The following DIS3L2 variants were observed in gnomAD, a reference collection of about 807,000 sequenced individuals.
The protein encoded by DIS3L2 is DIS3-like exonuclease 2.
DIS3L2 carries 34 observed loss-of-function variants against 97.5 expected under a neutral mutation model. The observed-to-expected ratio is 0.35, with a 90% CI of 0.27 to 0.46. The LOEUF (loss-of-function observed/expected upper bound fraction) is 0.46, where lower values mean the gene tolerates loss of function less well. Among genes scored for constraint, DIS3L2 ranks in the 20% least tolerant of loss-of-function variants. The probability of loss-of-function intolerance (pLI) is 1.00; values close to 1 mark genes in which losing one functional copy is unlikely to be tolerated. For synonymous variants in DIS3L2, 435 were observed against 445.2 expected (o/e 0.98, Z 0.29); for missense variants, 1,038 against 1,146.0 (o/e 0.91, Z 1.36).
At chr2:232,131,848 T>A (rs1018475422) in intron 7 of DIS3L2, 1 of 149,520 alleles carries the variant, frequency 6.7e-6, no homozygotes, top group Non-Finnish European at 1.5e-5. Context: ...TGTGGGAGAT[T>A]AGAATGAATG....
intron 1 of DIS3L2, among the ~76,000 whole-genome samples, chr2:231,983,436 C>G (rs1487456530): frequency 2.6e-5 from 4 of 152,252 alleles, no homozygotes; most frequent in Middle Eastern, 6.8e-3. Context: ...CTGTTAGGAA[C>G]TGGGCCACAA....
intron 12 of DIS3L2, among the ~76,000 whole-genome samples, chr2:232,259,159 G>A (rs938903197): frequency 2.0e-5 from 3 of 152,182 alleles, no homozygotes; most frequent in Non-Finnish European, 2.9e-5. Flanking sequence ...TAAGGAAGAC[G>A]ACTGAAGTGA....
intron 14 of DIS3L2, among the ~76,000 whole-genome samples, chr2:232,317,446 G>A (rs955062073): frequency 6.6e-6 from 1 of 152,072 alleles, no homozygotes; most frequent in Non-Finnish European, 1.5e-5. Flanking sequence ...GGGGTGGGGA[G>A]GTAGAAGGTA....
intron 1 of DIS3L2, among the ~76,000 whole-genome samples, chr2:231,980,589 T>C (rs1208626195): frequency 6.6e-6 from 1 of 152,088 alleles, no homozygotes; most frequent in Non-Finnish European, 1.5e-5. Flanking sequence ...TCCCAGCTAC[T>C]TGGGAGGCTG....
At chr2:232,343,373 A>G in exon 14 of DIS3L2, 1 of 1,556,572 alleles carries the variant, frequency 6.4e-7, no homozygotes, top group Non-Finnish European at 8.7e-7. Flanking sequence ...GGGGCTGCCC[A>G]TCTTCAGGCC....
At chr2:232,088,467 CAGGA>C (rs1339351655) in intron 6 of DIS3L2, among the ~76,000 whole-genome samples, 112 of 148,472 alleles carry the variant, frequency 7.5e-4, no homozygotes, top group African/African-American at 2.7e-3. Flanking sequence ...GAGGCTGAGG[CAGGA>C]GAATGGCGTG....
chr2:232,329,785 T>TGCCGGGGGGGGCCCC, intron 14 of DIS3L2, 28 bp from the exon 15 acceptor site: 95 of 967,098 alleles, frequency 9.8e-5, no homozygotes, highest in Non-Finnish European at 1.3e-4. Context: ...ACCCCAGCGG[T>TGCCGGGGGGGGCCCC]CCCTCCCATC....
chr2:232,111,951 C>T (rs1327742818), intron 6 of DIS3L2, among the ~76,000 whole-genome samples: 1 of 152,218 alleles, frequency 6.6e-6, no homozygotes, highest in Non-Finnish European at 1.5e-5. Context: ...GATCAACTGA[C>T]TCTGAAGCCT....
At chr2:232,099,085 C>A (rs1418901587) in intron 6 of DIS3L2, among the ~76,000 whole-genome samples, 4 of 152,166 alleles carry the variant, frequency 2.6e-5, no homozygotes, top group African/African-American at 9.7e-5. Context: ...CGTCTGGTTT[C>A]TCTCTTCTAA....
intron 16 of DIS3L2, among the ~76,000 whole-genome samples, chr2:232,332,947 GCTTT>G (rs1695787867): frequency 6.6e-6 from 1 of 152,040 alleles, no homozygotes; most frequent in African/African-American, 2.4e-5. Context: ...CGCATCCTGG[GCTTT>G]CTCTCCCTCC....
At chr2:231,981,331 A>T (rs987434546) in intron 1 of DIS3L2, among the ~76,000 whole-genome samples, 2 of 151,926 alleles carry the variant, frequency 1.3e-5, no homozygotes, top group African/African-American at 4.8e-5. Flanking sequence ...CTTAGAATTG[A>T]TCTTTTTTTC....
chr2:232,238,751 A>C (rs1693002540), intron 11 of DIS3L2, 106 bp downstream of exon 11: 18 of 1,024,026 alleles, frequency 1.8e-5, no homozygotes, highest in Non-Finnish European at 2.6e-5. Context: ...AAGAGAAGCC[A>C]AAGGAAGACA....
chr2:232,191,439 T>A lies in DIS3L2; in HGVS notation c.1125-18887T>A, dbSNP rs866528019. On this transcript the variant is annotated intron_variant, in intron 9 of 20. Coordinates refer to ENST00000325385, the MANE Select transcript of DIS3L2 (RefSeq NM_152383.5). ...CTGGATAACACAACTTCAAAAAAAA[T>A]TATAATTATAAAGTAGTAACACTGA... Among the ~76,000 whole-genome samples the A allele has an allele frequency of 4.6e-5, 7 of 152,082 alleles. No individual in the cohort carries two copies. In the South Asian group the frequency reaches 8.3e-4, roughly 18 times the overall value.
intron 5 of DIS3L2, among the ~76,000 whole-genome samples, chr2:232,074,833 C>T (rs1196405343): frequency 1.3e-5 from 2 of 152,078 alleles, no homozygotes; most frequent in Non-Finnish European, 2.9e-5. Context: ...ATCTGCCTGC[C>T]TCGGATTCCC....
At chr2:232,340,784 A>C (rs1035696317), downstream of DIS3L2, 1 of 471,386 alleles carries the variant, frequency 2.1e-6, no homozygotes, top group Non-Finnish European at 4.4e-6. Context: ...GCCACCCTCC[A>C]GAGCATCTCA....
At chr2:232,139,049 T>G (rs1245994576) in intron 8 of DIS3L2, among the ~76,000 whole-genome samples, 3 of 152,172 alleles carry the variant, frequency 2.0e-5, no homozygotes, top group Non-Finnish European at 1.5e-5. Flanking sequence ...TGCAAAAGGA[T>G]TTTTGCATGT....
intron 16 of DIS3L2, among the ~76,000 whole-genome samples, chr2:232,332,514 G>A (rs886781684): frequency 6.6e-6 from 1 of 151,428 alleles, no homozygotes; most frequent in Non-Finnish European, 1.5e-5. Flanking sequence ...CTCCCAGGCA[G>A]TAGCACTGGC....
intron 1 of DIS3L2, among the ~76,000 whole-genome samples, chr2:232,003,482 C>T (rs1693964166): frequency 6.6e-6 from 1 of 152,114 alleles, no homozygotes; most frequent in Admixed American, 6.6e-5. Context: ...AAATAATTTT[C>T]CTTAAAATTT....
At chr2:232,077,612 T>G (rs548080120) in intron 5 of DIS3L2, among the ~76,000 whole-genome samples, 58 of 152,362 alleles carry the variant, frequency 3.8e-4, no homozygotes, top group African/African-American at 1.3e-3. Context: ...AAGTTCTTTA[T>G]GATCCAGTGA....
Sources: allele counts gnomAD v4.1 joint callset (sites outside exome capture counted in the v4.1 genomes callset), GRCh38; gene constraint gnomAD v4.1.1; transcripts MANE v1.5; gene names NCBI Gene and HGNC (gene_info 2026-07-23, HGNC 2026-07-21).